EDARADD: variants seen among roughly 807,000 people sequenced by gnomAD.
The protein encoded by EDARADD is ectodysplasin-A receptor-associated adapter protein.
Under a neutral mutation model 25.6 loss-of-function variants are expected in EDARADD, and 20 were observed. That is an observed-to-expected ratio of 0.78 (90% CI 0.55 to 1.14). EDARADD has a LOEUF of 1.14. EDARADD is among the 50% of genes most tolerant of loss of function. The pLI is 0.00. For synonymous variants in EDARADD, 86 were observed against 94.4 expected (o/e 0.91, Z 0.52); for missense variants, 225 against 270.1 (o/e 0.83, Z 1.17).
At chr1:236,434,436 T>G (rs1269403735) in intron 4 of EDARADD, among the ~76,000 whole-genome samples, 2 of 152,024 alleles carry the variant, frequency 1.3e-5, no homozygotes, top group Non-Finnish European at 2.9e-5. Flanking sequence ...GACGGGGTTT[T>G]GCCATGTTGG....
At chr1:236,463,260 T>G (rs1159073884) in intron 4 of EDARADD, among the ~76,000 whole-genome samples, 1 of 152,176 alleles carries the variant, frequency 6.6e-6, no homozygotes, top group Admixed American at 6.5e-5. Context: ...GAGAACACAT[T>G]TTAAACATTT....
rs140471699 is a variant in EDARADD at position 236,410,739 on chromosome 1, C to T, written c.120+1465C>T. On this transcript the variant is annotated intron_variant, in intron 2 of 5. Transcript: ENST00000334232. ...TTTTGGTTAACTGATTTAGTTACAG[C>T]GACACAGAATACACTTCATGTAATT... Among the ~76,000 whole-genome samples, 863 of 152,282 alleles carry T rather than the reference C, an allele frequency of 5.7e-3. 9 individuals carry two copies. The highest frequency in any genetic ancestry group is 7.4e-3 in the Non-Finnish European group (502 of 68,026).
upstream of EDARADD, among the ~76,000 whole-genome samples, chr1:236,391,808 G>C (rs141784181): frequency 5.1e-3 from 772 of 152,218 alleles, 4 homozygotes; most frequent in Middle Eastern, 0.014. Flanking sequence ...ATTGTCATCT[G>C]TTTGTGAAAA....
At chr1:236,403,815 C>T (rs146376833) in intron 1 of EDARADD, among the ~76,000 whole-genome samples, 160 of 152,338 alleles carry the variant, frequency 1.1e-3, no homozygotes, top group African/African-American at 3.8e-3. Context: ...GGCCAGGTGC[C>T]CTCGCCAGCC....
At chr1:236,440,516 C>T (rs535828716) in intron 4 of EDARADD, among the ~76,000 whole-genome samples, 1 of 152,086 alleles carries the variant, frequency 6.6e-6, no homozygotes, top group South Asian at 2.1e-4. Flanking sequence ...AATATCTCTC[C>T]ATTTACAGGG....
At position 236,484,283 on chromosome 1, in the gene EDARADD, T is replaced by G. The variant is rs879138548; in HGVS notation, c.*1634T>G. ...GGTGTGTCATGGTGCCTCATCATTC[T>G]GGGGAGACTGAAAATACCTTCATCA... On this transcript the variant is annotated 3_prime_UTR_variant, in exon 6 of 6. Coordinates refer to ENST00000334232, the MANE Select transcript of EDARADD (RefSeq NM_145861.4). The surrounding 1 kb of genome is among the most constrained non-coding windows in gnomAD (Gnocchi z 4.1). 2 of 1,023,290 alleles carry G rather than the reference T, an allele frequency of 2.0e-6. No individual in the cohort carries two copies. Among genetic ancestry groups the G allele is most frequent in the Non-Finnish European group, 3.1e-6 (2 of 642,220 alleles). 63.4% of individuals were successfully genotyped at this position (1,023,290 alleles called of 1,614,324 possible).
Position 236,483,207 on chromosome 1 carries a change from C to T in EDARADD, c.*558C>T, listed in dbSNP as rs1309549108. The T allele has an allele frequency of 3.4e-5, 53 of 1,581,710 alleles. No individual in the cohort carries two copies. The highest frequency in any genetic ancestry group is 4.3e-5 in the Non-Finnish European group (49 of 1,152,802). On this transcript the variant is annotated 3_prime_UTR_variant, in exon 6 of 6. Transcript: ENST00000334232. Reference sequence around the variant, plus strand: ...CCATGCCAGGGAGCTCTTTGACTCTCGTGGGAATCCCACTGTTGAGGTTGA... The same window carrying T: ...CCATGCCAGGGAGCTCTTTGACTCTTGTGGGAATCCCACTGTTGAGGTTGA...
chr1:236,475,025 C>T (rs140333731), intron 5 of EDARADD, among the ~76,000 whole-genome samples: 2,567 of 152,090 alleles, frequency 0.017, 37 homozygotes, highest in Middle Eastern at 0.027. Context: ...CCCAGCTACT[C>T]GGGAGGGTGA....
chr1:236,472,432 C>A (rs557411923), intron 5 of EDARADD, among the ~76,000 whole-genome samples: 3 of 152,142 alleles, frequency 2.0e-5, no homozygotes, highest in Non-Finnish European at 2.9e-5. Context: ...GGTGGGACCA[C>A]ACATCAGGGT....
intron 1 of EDARADD, among the ~76,000 whole-genome samples, chr1:236,405,722 T>C (rs1036199729): frequency 6.7e-6 from 1 of 149,956 alleles, no homozygotes; most frequent in Non-Finnish European, 1.5e-5. Context: ...CTCCTTCCTT[T>C]CTTTTTCTTT....
At chr1:236,361,177 A>G (rs554883956) in intron 3 of EDARADD, among the ~76,000 whole-genome samples, 8 of 152,312 alleles carry the variant, frequency 5.3e-5, no homozygotes, top group Admixed American at 5.2e-4. Flanking sequence ...AAGACAGTGA[A>G]CAAGTCTATC....
At chr1:236,360,543 T>C (rs1049720394) in intron 3 of EDARADD, among the ~76,000 whole-genome samples, 2 of 80,640 alleles carry the variant, frequency 2.5e-5, no homozygotes, top group Non-Finnish European at 5.4e-5. Flanking sequence ...CACGGTTTTT[T>C]TTTTTTTTTT....
intron 4 of EDARADD, among the ~76,000 whole-genome samples, chr1:236,449,411 C>T (rs2103026237): frequency 6.6e-6 from 1 of 152,284 alleles, no homozygotes; most frequent in South Asian, 2.1e-4. Context: ...AAATCTGATA[C>T]TTAGTAGACG....
Position 236,483,405 on chromosome 1 carries a change from A to C in EDARADD, c.*756A>C, listed in dbSNP as rs1408603021. 11 of 1,220,440 alleles carry C rather than the reference A, an allele frequency of 9.0e-6. No homozygotes were observed. Among genetic ancestry groups the C allele is most frequent in the African/African-American group, 1.5e-5 (1 of 66,944 alleles). The allele number at this position is 1,220,440 out of a possible 1,614,324, so 75.6% of individuals were successfully genotyped here. On this transcript the variant is annotated 3_prime_UTR_variant, in exon 6 of 6. Transcript: ENST00000334232. ...TATTGCACCTGTCCTGGTTAGCAAG[A>C]AACTGAACGTCACAGAACAAGAGAA... is the stretch of plus-strand genomic sequence containing the variant.
At chr1:236,354,343 C>G (rs184126844) in intron 3 of EDARADD, among the ~76,000 whole-genome samples, 2 of 152,000 alleles carry the variant, frequency 1.3e-5, no homozygotes, top group Non-Finnish European at 1.5e-5. Context: ...TACTTGGGTT[C>G]GAATCCAGCA....
At chr1:236,390,960 T>TTATTATTATAA (rs1282407214), upstream of EDARADD, among the ~76,000 whole-genome samples, 1 of 151,030 alleles carries the variant, frequency 6.6e-6, no homozygotes, top group East Asian at 2.0e-4. Flanking sequence ...ATTATTATTA[T>TTATTATTATAA]TTTTTGAGAT....
rs886555086 is a variant in EDARADD, at chr1:236,484,037, T to A, written c.*1388T>A. 4 of 1,542,068 alleles carry A rather than the reference T, an allele frequency of 2.6e-6. No homozygotes were observed. In the African/African-American group the frequency reaches 5.4e-5, roughly 21 times the overall value. ...TCATCAAAAACTACCCAGTGGTGTCTACTGAAGATCCCTTTGACCAGGATG... is the reference window on the plus strand; with the variant it reads ...TCATCAAAAACTACCCAGTGGTGTCAACTGAAGATCCCTTTGACCAGGATG... On this transcript the variant is annotated 3_prime_UTR_variant, in exon 6 of 6. Transcript: ENST00000334232. This position sits in a 1 kb window ranked among gnomAD's most constrained non-coding sequence, Gnocchi z 4.1.
At chr1:236,413,574 T>C (rs1000021446) in intron 2 of EDARADD, among the ~76,000 whole-genome samples, 3 of 152,220 alleles carry the variant, frequency 2.0e-5, no homozygotes, top group African/African-American at 7.2e-5. Context: ...ATTCCTCTCA[T>C]GGACGTTTTC....
At chr1:236,429,073 C>A (rs1440172808) in intron 4 of EDARADD, among the ~76,000 whole-genome samples, 1 of 152,026 alleles carries the variant, frequency 6.6e-6, no homozygotes, top group Non-Finnish European at 1.5e-5. Context: ...TGCAGTGAGT[C>A]GAGATGGCAT....
Sources: gnomAD v4.1 joint callset for allele counts (sites outside exome capture counted in the v4.1 genomes callset) on GRCh38, gnomAD v4.1.1 for gene constraint, Gnocchi (gnomAD v3.1) non-coding constraint, MANE v1.5 for transcripts, NCBI Gene and HGNC (gene_info 2026-07-23, HGNC 2026-07-21) for gene names.